DDX46: variants seen among roughly 807,000 people sequenced by gnomAD.
The protein encoded by DDX46 is probable ATP-dependent RNA helicase DDX46.
A neutral mutation model predicts 134.9 loss-of-function variants in DDX46; 30 were observed. The observed-to-expected ratio is 0.22, with a 90% confidence interval of 0.17 to 0.30. DDX46 has a LOEUF of 0.30. Ranked by LOEUF, DDX46 falls within the 10% of genes least tolerant of loss-of-function variation. The pLI, the probability that DDX46 is intolerant of heterozygous loss-of-function variation, is 1.00. For synonymous variants in DDX46, 415 were observed against 404.1 expected (o/e 1.03, Z -0.32); for missense variants, 622 against 1,248.7 (o/e 0.50, Z 7.56).
chr5:134,805,812 C>A (rs370948145), intron 15 of DDX46, among the ~76,000 whole-genome samples: 4 of 152,082 alleles, frequency 2.6e-5, no homozygotes, highest in Admixed American at 6.5e-5. Context: ...GGATTACAGG[C>A]GTGAGCCTTG....
intron 21 of DDX46, among the ~76,000 whole-genome samples, chr5:134,822,564 T>G (rs1454621511): frequency 8.5e-5 from 13 of 152,078 alleles, no homozygotes; most frequent in Non-Finnish European, 1.5e-5. Context: ...TGTCTTGAAC[T>G]CCTGGCTTCT....
intron 6 of DDX46, among the ~76,000 whole-genome samples, chr5:134,779,683 A>C (rs1754071638): frequency 6.7e-6 from 1 of 149,982 alleles, no homozygotes; most frequent in Admixed American, 6.7e-5. Context: ...TAGAGATGGA[A>C]TCTCACGTGT....
chr5:134,809,064 A>G (rs1755067726), intron 16 of DDX46, among the ~76,000 whole-genome samples: 1 of 152,202 alleles, frequency 6.6e-6, no homozygotes, highest in Non-Finnish European at 1.5e-5. Flanking sequence ...TTTATAGATG[A>G]GAAAAATTCA....
At chr5:134,766,031 AC>A (rs1211326203) in intron 2 of DDX46, among the ~76,000 whole-genome samples, 14 of 152,162 alleles carry the variant, frequency 9.2e-5, no homozygotes, top group Non-Finnish European at 1.8e-4. Flanking sequence ...TGAAACTGAG[AC>A]CCAGAAAGTT....
intron 20 of DDX46, among the ~76,000 whole-genome samples, chr5:134,818,179 G>A (rs191907672): frequency 4.8e-4 from 72 of 151,504 alleles, no homozygotes; most frequent in Admixed American, 1.8e-3. Context: ...GTCTGGTCTC[G>A]AACTCCCGAC....
intron 9 of DDX46, 92 bp from the exon 10 acceptor site, chr5:134,784,274 T>G (rs182591040): frequency 5.9e-6 from 8 of 1,365,906 alleles, no homozygotes; most frequent in Non-Finnish European, 7.9e-6. Context: ...ATACCACCTT[T>G]TGGAAGTTCA....
At chr5:134,786,274 A>G (rs929280258) in intron 11 of DDX46, among the ~76,000 whole-genome samples, 2 of 152,214 alleles carry the variant, frequency 1.3e-5, no homozygotes, top group Non-Finnish European at 2.9e-5. Flanking sequence ...TTAAATATAT[A>G]TAATTTTTGT....
intron 19 of DDX46, 40 bp from the exon 20 acceptor site, chr5:134,817,456 G>T (rs373211560): frequency 4.4e-6 from 7 of 1,589,366 alleles, no homozygotes; most frequent in Non-Finnish European, 5.1e-6. Context: ...TCTTGTCTCT[G>T]CCCTCATTTG....
rs768183766 is a variant in DDX46, at chr5:134,782,947, G to A, written c.1048G>A (p.Val350Ile). 2 of 1,613,048 alleles carry A rather than the reference G, an allele frequency of 1.2e-6. No individual in the cohort carries two copies. Among genetic ancestry groups the A allele is most frequent in the South Asian group, 2.2e-5 (2 of 90,954 alleles). ...PELAKMSQEE[V>I]NVFRLEMEGI... ...TTAATCTGGGTTTTGTTTTGTAGAGGTAAATGTGTTTCGATTGGAAATGGA... is the reference window on the plus strand; with the variant it reads ...TTAATCTGGGTTTTGTTTTGTAGAGATAAATGTGTTTCGATTGGAAATGGA... The change falls in exon 9 of 23, where the codon GTA (valine) becomes ATA (isoleucine). Residue 350 changes from valine (V) to isoleucine (I), a missense_variant and splice_region_variant. This residue lies in a region of DDX46 where 63 missense variants were observed against 84.0 expected (regional missense o/e 0.75). Transcript: ENST00000452510.
At chr5:134,810,605 A>G (rs555276904) in intron 16 of DDX46, among the ~76,000 whole-genome samples, 2 of 151,338 alleles carry the variant, frequency 1.3e-5, no homozygotes, top group East Asian at 3.9e-4. Context: ...TGGCCTCCCA[A>G]AGTGCTGGGA....
chr5:134,767,057 A>C lies in DDX46; in HGVS notation c.347A>C (p.Asn116Thr), dbSNP rs765337674. The change falls in exon 3 of 23, where the codon AAT (asparagine) becomes ACT (threonine). Residue 116 changes from asparagine to threonine, a missense_variant. By Grantham distance (65) the Asn-to-Thr change is moderately conservative (BLOSUM62 0). Around this residue, in one of 8 missense-constraint regions of DDX46, gnomAD observed 244 missense variants for 349.3 expected, o/e 0.70. Coordinates refer to ENST00000452510, the MANE Select transcript of DDX46 (RefSeq NM_001300860.2). Reference sequence around the variant, plus strand: ...GGAAATAAAAGCAAGAAAACTGAGAATAGGTAATGTTATCATTGGGCTGCA... The same window carrying C: ...GGAAATAAAAGCAAGAAAACTGAGACTAGGTAATGTTATCATTGGGCTGCA... The part of the protein sequence containing the change: ...SPGNKSKKTE[N>T]RSRSKEKTDG... The C allele has an allele frequency of 6.2e-7, 1 of 1,612,872 alleles. No homozygotes were observed. The highest frequency in any genetic ancestry group is 2.2e-5 in the East Asian group (1 of 44,834).
chr5:134,813,981 C>T (rs1755219659), intron 18 of DDX46, among the ~76,000 whole-genome samples: 1 of 152,078 alleles, frequency 6.6e-6, no homozygotes, highest in Non-Finnish European at 1.5e-5. Context: ...AGAAAAAAGA[C>T]TATTAAATAA....
intron 11 of DDX46, among the ~76,000 whole-genome samples, chr5:134,786,981 G>T (rs1294668275): frequency 6.6e-6 from 1 of 152,092 alleles, no homozygotes; most frequent in Admixed American, 6.6e-5. Flanking sequence ...GGAGTGCAGT[G>T]GTGTGACCTT....
intron 6 of DDX46, among the ~76,000 whole-genome samples, chr5:134,780,096 ATATGTGTGTGTGTGTGTGTG>A (rs1359635777): frequency 2.4e-5 from 3 of 123,416 alleles, no homozygotes; most frequent in African/African-American, 9.7e-5. Flanking sequence ...TGAAAAAAAT[ATATGTGTGTGTGTGTGTGTG>A]TGTGTGTGTG....
rs1207991128 is a variant in DDX46, at chr5:134,830,050, TA to T, written c.*1346del. 1.3e-5 allele frequency: 2 copies of T among 151,894 alleles called. No individual in the cohort carries two copies. The highest frequency in any genetic ancestry group is 2.9e-5 in the Non-Finnish European group (2 of 67,994). 9.4% of individuals were successfully genotyped at this position (151,894 alleles called of 1,614,324 possible). A position where few individuals can be genotyped will look rare whatever the true frequency, so the allele number is the denominator to read the frequency against. On this transcript the variant is annotated 3_prime_UTR_variant, in exon 23 of 23. Transcript: ENST00000452510. Reference sequence around the variant, plus strand: ...ATTCTTTTCAAGACTCCTGATGTATTAACTTCATGTTATTGTCACTTTTCAA... The same window carrying T: ...ATTCTTTTCAAGACTCCTGATGTATTACTTCATGTTATTGTCACTTTTCAA...
intron 4 of DDX46, among the ~76,000 whole-genome samples, chr5:134,773,345 C>G (rs551668080): frequency 1.3e-5 from 2 of 151,990 alleles, no homozygotes; most frequent in African/African-American, 4.8e-5. Context: ...TTGAGAATAA[C>G]TGGGAAACTT....
At chr5:134,795,235 G>A (rs560534146) in intron 14 of DDX46, among the ~76,000 whole-genome samples, 1 of 141,104 alleles carries the variant, frequency 7.1e-6, no homozygotes, top group South Asian at 2.2e-4. Flanking sequence ...TTTTTTGCTG[G>A]GTGCAGTGGT....
At chr5:134,780,229 C>T (rs527742955) in intron 6 of DDX46, among the ~76,000 whole-genome samples, 30 of 146,862 alleles carry the variant, frequency 2.0e-4, no homozygotes, top group South Asian at 4.3e-4. Flanking sequence ...TATGTGTGTG[C>T]GTATATGTGT....
At chr5:134,779,035 T>G (rs937049557) in intron 6 of DDX46, among the ~76,000 whole-genome samples, 1 of 152,034 alleles carries the variant, frequency 6.6e-6, no homozygotes, top group Non-Finnish European at 1.5e-5. Flanking sequence ...TAGCTGGGAT[T>G]ACAGGCCCTT....
Sources: allele counts gnomAD v4.1 joint callset (sites outside exome capture counted in the v4.1 genomes callset), GRCh38; gene constraint gnomAD v4.1.1; regional missense constraint gnomAD v4.1.1; transcripts MANE v1.5; gene names NCBI Gene and HGNC (gene_info 2026-07-23, HGNC 2026-07-21).